USP34: variants seen among roughly 807,000 people sequenced by gnomAD.
USP34 encodes the protein ubiquitin carboxyl-terminal hydrolase 34.
USP34 carries 70 observed loss-of-function variants against 460.3 expected under a neutral mutation model. The observed-to-expected ratio is 0.15, with a 90% CI of 0.13 to 0.19. The LOEUF is 0.19. USP34 is among the 10% of genes least tolerant of loss of function. The probability of loss-of-function intolerance (pLI) is 1.00; values close to 1 mark genes in which losing one functional copy is unlikely to be tolerated. For synonymous variants in USP34, 1,647 were observed against 1,405.3 expected (o/e 1.17, Z -3.85); for missense variants, 3,985 against 4,236.2 (o/e 0.94, Z 1.65).
chr2:61,350,016 T>TA (rs149129768), intron 12 of USP34, among the ~76,000 whole-genome samples: 5,244 of 149,526 alleles, frequency 0.035, 226 homozygotes, highest in African/African-American at 0.1. Context: ...AGCTTTTGTT[T>TA]AAAAAAAAAA....
chr2:61,384,089 A>C (rs1339897893), intron 5 of USP34, among the ~76,000 whole-genome samples: 1 of 152,112 alleles, frequency 6.6e-6, no homozygotes. Context: ...ATTTCTAGTC[A>C]TTTCAGTATC....
Position 61,462,738 on chromosome 2 carries a change from A to C in USP34, c.43+7912T>G, listed in dbSNP as rs191214092. On this transcript the variant is annotated intron_variant, in intron 1 of 79. Coordinates refer to ENST00000398571, the MANE Select transcript of USP34 (RefSeq NM_014709.4). ...TAGCCCGGCATGATGGCACATGCCT[A>C]TAATCCCAGCTACTTGGGAGGGTGA... Among the ~76,000 whole-genome samples, 7 of 151,328 alleles carry C rather than the reference A, an allele frequency of 4.6e-5. No individual in the cohort carries two copies. The East Asian group carries it at 1.4e-3, about 30-fold the overall frequency.
intron 41 of USP34, among the ~76,000 whole-genome samples, chr2:61,274,279 A>G (rs1370744442): frequency 2.6e-5 from 4 of 151,976 alleles, no homozygotes; most frequent in Non-Finnish European, 5.9e-5. Context: ...AATCCCAGCT[A>G]GTAGGGAGGC....
chr2:61,213,574 A>G (rs1187449452), intron 68 of USP34, among the ~76,000 whole-genome samples: 1 of 152,218 alleles, frequency 6.6e-6, no homozygotes, highest in Non-Finnish European at 1.5e-5. Context: ...CTGCATATAT[A>G]TGTATCTCGA....
Position 61,255,936 on chromosome 2 carries a change from T to C in USP34, c.6221+448A>G, listed in dbSNP as rs1183934921. 3.3e-5 allele frequency among the ~76,000 whole-genome samples: 5 copies of C among 152,206 alleles called. No homozygotes were observed. The South Asian group carries it at 8.3e-4, about 25-fold the overall frequency. On this transcript the variant is annotated intron_variant, in intron 48 of 79. Coordinates refer to ENST00000398571, the MANE Select transcript of USP34 (RefSeq NM_014709.4). ...TTCATTTGTAATTTAAACTTTATCA[T>C]AGGTATGTTATGCACAGCAAAAAGC... is the stretch of plus-strand genomic sequence containing the variant.
chr2:61,311,311 C>G (rs1324257575), intron 27 of USP34, among the ~76,000 whole-genome samples: 2 of 152,092 alleles, frequency 1.3e-5, no homozygotes, highest in Non-Finnish European at 2.9e-5. Flanking sequence ...AGAGAGGAGC[C>G]CTCACCAGAT....
At chr2:61,225,949 G>C (rs1377911500) in intron 62 of USP34, among the ~76,000 whole-genome samples, 1 of 152,072 alleles carries the variant, frequency 6.6e-6, no homozygotes, top group Non-Finnish European at 1.5e-5. Flanking sequence ...CTACACTTGA[G>C]GGCCATTTTA....
At chr2:61,279,473 CT>C (rs894417642) in intron 39 of USP34, among the ~76,000 whole-genome samples, 1 of 151,308 alleles carries the variant, frequency 6.6e-6, no homozygotes. Context: ...TTGAAATTTA[CT>C]TTTTTTTTGA....
chr2:61,333,781 C>T, intron 19 of USP34, 101 bp downstream of exon 19: 1 of 735,924 alleles, frequency 1.4e-6, no homozygotes, highest in Non-Finnish European at 2.0e-6. Flanking sequence ...CTCAAATTTT[C>T]CTGGTACAGA....
chr2:61,270,503 T>A (rs1009950319), intron 41 of USP34, among the ~76,000 whole-genome samples: 47 of 152,334 alleles, frequency 3.1e-4, no homozygotes, highest in African/African-American at 8.9e-4. Flanking sequence ...TGGCACGATC[T>A]CGGCTCACTG....
chr2:61,399,598 G>A (rs763571470), intron 3 of USP34, among the ~76,000 whole-genome samples: 14 of 151,954 alleles, frequency 9.2e-5, no homozygotes, highest in African/African-American at 1.5e-4. Flanking sequence ...GGTCCCGGGC[G>A]CGGTGGCTCA....
intron 71 of USP34, 101 bp downstream of exon 71, chr2:61,206,659 A>C: frequency 2.8e-6 from 4 of 1,430,106 alleles, no homozygotes; most frequent in Non-Finnish European, 3.8e-6. Context: ...TTCTGTGCAT[A>C]AACTAGGATA....
At chr2:61,451,988 A>C (rs1287328433) in intron 1 of USP34, among the ~76,000 whole-genome samples, 1 of 151,876 alleles carries the variant, frequency 6.6e-6, no homozygotes, top group African/African-American at 2.4e-5. Flanking sequence ...ATCCTGGCTA[A>C]CACGGTGAAA....
At chr2:61,212,053 T>C in intron 68 of USP34, 124 bp from the exon 69 acceptor site, 1 of 1,243,252 alleles carries the variant, frequency 8.0e-7, no homozygotes, top group Non-Finnish European at 1.1e-6. Flanking sequence ...TATACTTCCA[T>C]TCAGAAAGTT....
chr2:61,395,623 A>G (rs1357928871), intron 3 of USP34, among the ~76,000 whole-genome samples: 2 of 148,950 alleles, frequency 1.3e-5, no homozygotes, highest in Non-Finnish European at 3.0e-5. Context: ...CGTCTCTACT[A>G]AAAATACAAA....
chr2:61,207,067 A>G (rs1196714148), intron 70 of USP34, 181 bp from the exon 71 acceptor site: 17 of 563,822 alleles, frequency 3.0e-5, no homozygotes, highest in Non-Finnish European at 4.5e-5. Flanking sequence ...TCTTTTAAAC[A>G]TTCCTCACCT....
intron 43 of USP34, among the ~76,000 whole-genome samples, chr2:61,264,379 T>C (rs12474871): frequency 0.12 from 18,257 of 152,192 alleles, 1,277 homozygotes; most frequent in Non-Finnish European, 0.16. Flanking sequence ...TTTATACCAA[T>C]AATCCCAGTA....
rs527921811 is a variant in USP34, at chr2:61,442,608, C to T, written c.44-21775G>A. Among the ~76,000 whole-genome samples, 3 of 152,108 alleles carry T rather than the reference C, an allele frequency of 2.0e-5. No homozygotes were observed. In the South Asian group the frequency reaches 6.2e-4, roughly 31 times the overall value. On this transcript the variant is annotated intron_variant, in intron 1 of 79. Coordinates refer to ENST00000398571, the MANE Select transcript of USP34 (RefSeq NM_014709.4). ...CTATTATCAAAAACACAAAAAATAA[C>T]AAATGCTGGCAAGGATGCACAGAAA...
intron 68 of USP34, among the ~76,000 whole-genome samples, chr2:61,212,144 G>A (rs1334787834): frequency 2.6e-5 from 4 of 152,082 alleles, no homozygotes; most frequent in Non-Finnish European, 5.9e-5. Context: ...AGGCAGAGGC[G>A]GGCAGATTGC....
Sources: allele counts gnomAD v4.1 joint callset (sites outside exome capture counted in the v4.1 genomes callset), GRCh38; gene constraint gnomAD v4.1.1; transcripts MANE v1.5; gene names NCBI Gene and HGNC (gene_info 2026-07-23, HGNC 2026-07-21).